CCSER1: variants seen among roughly 807,000 people sequenced by gnomAD.
CCSER1 encodes serine-rich coiled-coil domain-containing protein 1.
CCSER1 carries 41 observed loss-of-function variants against 82.0 expected under a neutral mutation model. The ratio of observed to expected loss-of-function variants is 0.50; its 90% CI spans 0.39 to 0.65. The LOEUF is 0.65. CCSER1 is among the 30% of genes least tolerant of loss of function. CCSER1 has a pLI of 0.00. For missense variants in CCSER1, 1,119 were observed against 1,064.2 expected, an observed-to-expected ratio of 1.05 and a Z score of -0.72; for synonymous variants, 414 against 383.9, an observed-to-expected ratio of 1.08 and a Z score of -0.92.
At chr4:90,777,424 T>A (rs1753068247) in intron 7 of CCSER1, among the ~76,000 whole-genome samples, 1 of 151,262 alleles carries the variant, frequency 6.6e-6, no homozygotes, top group South Asian at 2.1e-4. Context: ...ACTTAGTACT[T>A]CCTATTTTCC....
intron 10 of CCSER1, among the ~76,000 whole-genome samples, chr4:91,483,368 T>G (rs954780356): frequency 1.4e-4 from 22 of 152,148 alleles, no homozygotes; most frequent in Non-Finnish European, 2.9e-5. Context: ...ATGTCCTCTC[T>G]TATGGGCCTG....
At chr4:91,184,216 G>C (rs1734313017) in intron 10 of CCSER1, among the ~76,000 whole-genome samples, 1 of 152,182 alleles carries the variant, frequency 6.6e-6, no homozygotes, top group Non-Finnish European at 1.5e-5. Context: ...AGGTTCAATT[G>C]CTTGGCCCAC....
At chr4:90,351,365 A>G (rs1743389424) in intron 3 of CCSER1, among the ~76,000 whole-genome samples, 1 of 152,178 alleles carries the variant, frequency 6.6e-6, no homozygotes, top group African/African-American at 2.4e-5. Flanking sequence ...TTTATACCAA[A>G]AGGAATTCCA....
intron 9 of CCSER1, among the ~76,000 whole-genome samples, chr4:90,969,174 A>G (rs1448131276): frequency 6.6e-6 from 1 of 151,872 alleles, no homozygotes; most frequent in Non-Finnish European, 1.5e-5. Flanking sequence ...ACACAATTAA[A>G]TGAAACAGTA....
At chr4:90,134,034 A>G (rs531996713) in intron 1 of CCSER1, among the ~76,000 whole-genome samples, 21 of 141,952 alleles carry the variant, frequency 1.5e-4, no homozygotes, top group African/African-American at 5.3e-4. Flanking sequence ...ATGAAATATT[A>G]TTTTATTAAC....
At chr4:90,384,989 G>T (rs1749789359) in intron 3 of CCSER1, among the ~76,000 whole-genome samples, 1 of 152,040 alleles carries the variant, frequency 6.6e-6, no homozygotes, top group Non-Finnish European at 1.5e-5. Flanking sequence ...GCTGTATTTG[G>T]TTTTCTGTTC....
rs371128784 is a variant in CCSER1 at position 90,384,689 on chromosome 4, G to A, written c.1510-15347G>A. On this transcript the variant is annotated intron_variant, in intron 3 of 10. Transcript: ENST00000509176. ...CTCCTCTCTGTTCCAGTCATCCAAG[G>A]CTTCTCTATGCCCCACTAATGGACC... Among the ~76,000 whole-genome samples the A allele has an allele frequency of 3.4e-4, 51 of 152,122 alleles. 1 individual carries two copies. Among genetic ancestry groups the A allele is most frequent in the African/African-American group, 1.2e-3 (51 of 41,508 alleles).
intron 9 of CCSER1, among the ~76,000 whole-genome samples, chr4:91,072,583 T>C (rs909002166): frequency 2.6e-5 from 4 of 152,164 alleles, no homozygotes; most frequent in Non-Finnish European, 5.9e-5. Context: ...ATCCAAATCA[T>C]GTCAGTTAGT....
intron 1 of CCSER1, 28 bp from the exon 2 acceptor site, chr4:90,308,216 T>G: frequency 7.0e-7 from 1 of 1,423,710 alleles, no homozygotes; most frequent in Admixed American, 2.9e-5. Flanking sequence ...TTCTATTGAC[T>G]TGTTGTTTTT....
chr4:91,149,877 T>C (rs905081504), intron 10 of CCSER1, among the ~76,000 whole-genome samples: 2 of 152,344 alleles, frequency 1.3e-5, no homozygotes, highest in Non-Finnish European at 1.5e-5. Flanking sequence ...TTTTGGTTAC[T>C]GTAGCCTTGT....
chr4:90,852,516 G>A (rs1764002066), intron 8 of CCSER1, among the ~76,000 whole-genome samples: 1 of 152,198 alleles, frequency 6.6e-6, no homozygotes, highest in African/African-American at 2.4e-5. Context: ...CTCACACTCT[G>A]AGTGCTTAGT....
intron 1 of CCSER1, among the ~76,000 whole-genome samples, chr4:90,225,943 A>G (rs1578595096): frequency 2.0e-5 from 3 of 152,214 alleles, no homozygotes; most frequent in South Asian, 4.1e-4. Flanking sequence ...AGAATGTGGT[A>G]TAAGTAATAC....
At chr4:90,957,519 A>C (rs796659386) in intron 9 of CCSER1, among the ~76,000 whole-genome samples, 9,099 of 109,848 alleles carry the variant, frequency 0.083, 465 homozygotes, top group East Asian at 0.25. Context: ...AATATAACAT[A>C]ATATCATATA....
chr4:91,281,189 TC>T (rs1432982156), intron 10 of CCSER1, among the ~76,000 whole-genome samples: 2 of 152,198 alleles, frequency 1.3e-5, no homozygotes, highest in African/African-American at 4.8e-5. Context: ...CACATTCCTT[TC>T]CTTCCATGTC....
At chr4:90,605,513 A>G (rs1784587584) in intron 5 of CCSER1, among the ~76,000 whole-genome samples, 1 of 152,218 alleles carries the variant, frequency 6.6e-6, no homozygotes, top group South Asian at 2.1e-4. Context: ...AGAATATTAT[A>G]TGCATGTAAG....
chr4:91,214,492 G>T (rs538397159), intron 10 of CCSER1, among the ~76,000 whole-genome samples: 2 of 151,956 alleles, frequency 1.3e-5, no homozygotes, highest in Non-Finnish European at 2.9e-5. Context: ...TGATATTCCC[G>T]AATGCTACTT....
intron 9 of CCSER1, among the ~76,000 whole-genome samples, chr4:91,027,500 T>C (rs1561483064): frequency 1.3e-5 from 2 of 152,068 alleles, no homozygotes; most frequent in African/African-American, 4.8e-5. Flanking sequence ...ACAGTATATA[T>C]GTTTCAAAAG....
At chr4:90,255,765 A>C (rs1723171273) in intron 1 of CCSER1, among the ~76,000 whole-genome samples, 1 of 152,208 alleles carries the variant, frequency 6.6e-6, no homozygotes, top group African/African-American at 2.4e-5. Flanking sequence ...AGAAGTCTTT[A>C]TAGAACAGAT....
intron 10 of CCSER1, among the ~76,000 whole-genome samples, chr4:91,111,396 A>T (rs1032179852): frequency 1.3e-5 from 2 of 152,022 alleles, no homozygotes; most frequent in African/African-American, 4.8e-5. Context: ...GTTAAATGGT[A>T]TTTAAACTAA....
Sources: allele counts gnomAD v4.1 joint callset (sites outside exome capture counted in the v4.1 genomes callset), GRCh38; gene constraint gnomAD v4.1.1; transcripts MANE v1.5; gene names NCBI Gene and HGNC (gene_info 2026-07-23, HGNC 2026-07-21).